Variants in GALK2 observed in about 807,000 individuals in gnomAD.
The protein encoded by GALK2 is galactokinase 2.
Under a neutral mutation model 52.4 loss-of-function variants are expected in GALK2, and 36 were observed. That is an observed-to-expected ratio of 0.69 (90% CI 0.53 to 0.91). The LOEUF (loss-of-function observed/expected upper bound fraction) is 0.91, where lower values mean the gene tolerates loss of function less well. Among genes scored for constraint, GALK2 ranks in the 40% least tolerant of loss-of-function variants. The pLI is 0.00. For missense variants in GALK2, 579 were observed against 559.1 expected (o/e 1.04, Z -0.36); for synonymous variants, 176 against 199.1 (o/e 0.88, Z 0.98).
At chr15:49,215,416 T>A (rs2089290417) in intron 2 of GALK2, among the ~76,000 whole-genome samples, 1 of 152,194 alleles carries the variant, frequency 6.6e-6, no homozygotes, top group South Asian at 2.1e-4. Context: ...CTTCATTCTT[T>A]TAAAATTATT....
upstream of GALK2, among the ~76,000 whole-genome samples, chr15:49,166,452 C>T (rs1253598135): frequency 6.6e-6 from 1 of 152,150 alleles, no homozygotes; most frequent in Admixed American, 6.5e-5. Context: ...GGTGCAGTAG[C>T]TCACGCCTGT....
At chr15:49,332,120 T>C (rs1245012949), downstream of GALK2, among the ~76,000 whole-genome samples, 4 of 123,574 alleles carry the variant, frequency 3.2e-5, no homozygotes, top group South Asian at 2.7e-4. Context: ...CACACACACA[T>C]CCACAACAGT....
intron 5 of GALK2, among the ~76,000 whole-genome samples, chr15:49,276,201 T>A (rs2031623860): frequency 6.6e-6 from 1 of 152,222 alleles, no homozygotes; most frequent in Non-Finnish European, 1.5e-5. Context: ...GTCCCTGGGT[T>A]TCTTGTGGTG....
intron 5 of GALK2, among the ~76,000 whole-genome samples, chr15:49,244,393 C>G (rs1187479516): frequency 6.6e-6 from 1 of 151,962 alleles, no homozygotes; most frequent in Non-Finnish European, 1.5e-5. Flanking sequence ...ATAGAAAAGA[C>G]ACTAAAAGCT....
intron 2 of GALK2, among the ~76,000 whole-genome samples, chr15:49,210,248 G>T (rs1268669556): frequency 6.6e-6 from 1 of 151,140 alleles, no homozygotes; most frequent in Non-Finnish European, 1.5e-5. Flanking sequence ...CTAAAGATTT[G>T]CTATTATGTT....
chr15:49,176,863 T>C (rs1195531467), intron 1 of GALK2, among the ~76,000 whole-genome samples: 2 of 152,204 alleles, frequency 1.3e-5, no homozygotes, highest in African/African-American at 2.4e-5. Context: ...TGGGAAACTT[T>C]CCACAGCTTC....
intron 3 of GALK2, among the ~76,000 whole-genome samples, chr15:49,227,571 T>C (rs1302756095): frequency 6.6e-6 from 1 of 152,158 alleles, no homozygotes; most frequent in Non-Finnish European, 1.5e-5. Context: ...TATAGGGTCA[T>C]GTTTTTAAAT....
chr15:49,173,294 C>T (rs2085223928), intron 1 of GALK2, among the ~76,000 whole-genome samples: 1 of 152,144 alleles, frequency 6.6e-6, no homozygotes, highest in Admixed American at 6.5e-5. Context: ...TATGGATATA[C>T]ATTTTGTTTA....
At chr15:49,232,761 C>G (rs2090573949) in intron 3 of GALK2, among the ~76,000 whole-genome samples, 1 of 152,236 alleles carries the variant, frequency 6.6e-6, no homozygotes, top group African/African-American at 2.4e-5. Context: ...CCACATACCC[C>G]TAGATGCCTC....
intron 3 of GALK2, among the ~76,000 whole-genome samples, chr15:49,220,636 T>C (rs1276570439): frequency 2.0e-5 from 3 of 152,208 alleles, no homozygotes; most frequent in African/African-American, 7.2e-5. Flanking sequence ...GTTGTGTTTT[T>C]AGTGCTCTGA....
At chr15:49,282,196 T>G in intron 6 of GALK2, 111 bp downstream of exon 6, 2 of 658,204 alleles carry the variant, frequency 3.0e-6, no homozygotes, top group Non-Finnish European at 5.3e-6. Context: ...GCCTACTATA[T>G]TAGGCTCTAT....
At chr15:49,208,445 A>G (rs2088511346) in intron 2 of GALK2, among the ~76,000 whole-genome samples, 1 of 152,138 alleles carries the variant, frequency 6.6e-6, no homozygotes, top group Non-Finnish European at 1.5e-5. Context: ...TTTAATTTCC[A>G]TGTATTTGCA....
chr15:49,207,800 G>A (rs1248381273), intron 2 of GALK2, among the ~76,000 whole-genome samples: 1 of 151,582 alleles, frequency 6.6e-6, no homozygotes, highest in African/African-American at 2.4e-5. Flanking sequence ...TTTTTGAGAC[G>A]GAGTCTCGCT....
intron 5 of GALK2, among the ~76,000 whole-genome samples, chr15:49,240,671 A>G (rs1244573320): frequency 6.6e-6 from 1 of 152,178 alleles, no homozygotes; most frequent in Non-Finnish European, 1.5e-5. Context: ...CATCATGTGG[A>G]AATGTCCAGA....
intron 1 of GALK2, among the ~76,000 whole-genome samples, chr15:49,182,060 CTG>C (rs1313857653): frequency 1.3e-5 from 2 of 152,068 alleles, no homozygotes; most frequent in African/African-American, 2.4e-5. Context: ...ACTATAATAA[CTG>C]TTATGCTGTC....
chr15:49,251,847 A>G (rs16962202), intron 5 of GALK2, among the ~76,000 whole-genome samples: 9,190 of 152,304 alleles, frequency 0.06, 557 homozygotes, highest in African/African-American at 0.15. Flanking sequence ...GACTTTCTTC[A>G]ACCCTAGGAT....
chr15:49,345,510 G>A (rs188639975), intron 3 of GALK2, among the ~76,000 whole-genome samples: 43 of 152,134 alleles, frequency 2.8e-4, no homozygotes, highest in Admixed American at 1.5e-3. Flanking sequence ...AATTTTTTCC[G>A]AATTAGATAA....
At chr15:49,342,443 T>C (rs2040879071) in intron 3 of GALK2, among the ~76,000 whole-genome samples, 1 of 152,178 alleles carries the variant, frequency 6.6e-6, no homozygotes, top group African/African-American at 2.4e-5. Flanking sequence ...AAAAAGGGTC[T>C]CTTGAAGACA....
chr15:49,172,136 GT>G (rs1335691785), intron 1 of GALK2, among the ~76,000 whole-genome samples: 1 of 152,180 alleles, frequency 6.6e-6, no homozygotes, highest in Non-Finnish European at 1.5e-5. Flanking sequence ...TCCATTTTAT[GT>G]GATTGTAATA....
Sources: gnomAD v4.1 joint callset for allele counts (sites outside exome capture counted in the v4.1 genomes callset) on GRCh38, gnomAD v4.1.1 for gene constraint, MANE v1.5 for transcripts, NCBI Gene and HGNC (gene_info 2026-07-23, HGNC 2026-07-21) for gene names.